Variants in CNTNAP2 observed in about 807,000 individuals in gnomAD.
The protein encoded by CNTNAP2 is contactin associated protein 2, also known as contactin-associated protein-like 2.
CNTNAP2 carries 98 observed loss-of-function variants against 155.2 expected under a neutral mutation model. That is an observed-to-expected ratio of 0.63 (90% confidence interval 0.54 to 0.75). CNTNAP2 has a LOEUF of 0.75. CNTNAP2 is among the 30% of genes least tolerant of loss of function. CNTNAP2 has a pLI of 0.00. For synonymous variants in CNTNAP2, 651 were observed against 631.2 expected (o/e 1.03, Z -0.47); for missense variants, 1,727 against 1,688.1 (o/e 1.02, Z -0.40).
At chr7:147,484,987 GT>G (rs1315080115) in intron 10 of CNTNAP2, among the ~76,000 whole-genome samples, 4 of 152,264 alleles carry the variant, frequency 2.6e-5, no homozygotes, top group African/African-American at 9.6e-5. Flanking sequence ...CAAAAATCAG[GT>G]TGTGGGGTAG....
intron 8 of CNTNAP2, among the ~76,000 whole-genome samples, 182 bp downstream of exon 8, chr7:147,132,691 A>G (rs1038662996): frequency 6.6e-6 from 1 of 152,156 alleles, no homozygotes; most frequent in Non-Finnish European, 1.5e-5. Context: ...AAAGTTGTTG[A>G]GAGAGCAAGG....
At chr7:148,329,016 A>G (rs1797941868) in intron 21 of CNTNAP2, among the ~76,000 whole-genome samples, 1 of 138,372 alleles carries the variant, frequency 7.2e-6, no homozygotes, top group Admixed American at 7.4e-5. Flanking sequence ...AAACCATCCC[A>G]GGGAATTCAG....
At chr7:148,095,849 C>A (rs977803579) in intron 15 of CNTNAP2, among the ~76,000 whole-genome samples, 1 of 152,196 alleles carries the variant, frequency 6.6e-6, no homozygotes. Flanking sequence ...ATGTTCTCCC[C>A]TCCTGCCCAG....
intron 15 of CNTNAP2, among the ~76,000 whole-genome samples, chr7:148,047,068 T>C (rs1802788333): frequency 6.6e-6 from 1 of 152,202 alleles, no homozygotes; most frequent in Admixed American, 6.5e-5. Flanking sequence ...AACTCCTACC[T>C]TTCTCGAAAC....
intron 21 of CNTNAP2, among the ~76,000 whole-genome samples, chr7:148,332,161 C>T (rs1534706): frequency 1.4e-5 from 2 of 140,346 alleles, no homozygotes; most frequent in African/African-American, 5.4e-5. Flanking sequence ...ACAAACTGAG[C>T]GGACAAAAAA....
At chr7:147,721,465 G>T (rs1414867157) in intron 13 of CNTNAP2, among the ~76,000 whole-genome samples, 2 of 152,040 alleles carry the variant, frequency 1.3e-5, no homozygotes, top group Non-Finnish European at 2.9e-5. Context: ...GGTGGCATTT[G>T]TGGTGTATGC....
At chr7:147,590,045 A>G (rs139079123) in intron 12 of CNTNAP2, among the ~76,000 whole-genome samples, 220 of 152,330 alleles carry the variant, frequency 1.4e-3, no homozygotes, top group African/African-American at 4.9e-3. Flanking sequence ...AAGTAGCCAC[A>G]GGTAACACAT....
At chr7:147,388,717 A>T (rs193146533) in intron 9 of CNTNAP2, among the ~76,000 whole-genome samples, 4 of 152,184 alleles carry the variant, frequency 2.6e-5, no homozygotes, top group Non-Finnish European at 5.9e-5. Flanking sequence ...AGTAGCTGGG[A>T]TTACAGGTGC....
intron 21 of CNTNAP2, among the ~76,000 whole-genome samples, chr7:148,341,651 T>C (rs1465652176): frequency 6.6e-6 from 1 of 152,212 alleles, no homozygotes; most frequent in Non-Finnish European, 1.5e-5. Flanking sequence ...GGTCTTTCTA[T>C]ACTACCTTAG....
chr7:147,638,167 G>T (rs1488898194), intron 12 of CNTNAP2, among the ~76,000 whole-genome samples: 1 of 152,104 alleles, frequency 6.6e-6, no homozygotes, highest in East Asian at 1.9e-4. Flanking sequence ...TTGGCCCTGG[G>T]TGTTTTTGAA....
chr7:147,160,414 G>C (rs1293127895), intron 8 of CNTNAP2, among the ~76,000 whole-genome samples: 1 of 152,068 alleles, frequency 6.6e-6, no homozygotes, highest in African/African-American at 2.4e-5. Context: ...AATTGCAGAA[G>C]TTTTATCCAG....
At chr7:146,990,115 T>G (rs1236969552) in intron 3 of CNTNAP2, among the ~76,000 whole-genome samples, 1 of 152,160 alleles carries the variant, frequency 6.6e-6, no homozygotes, top group Non-Finnish European at 1.5e-5. Flanking sequence ...CAAGAGGACA[T>G]AGTTACACAG....
intron 1 of CNTNAP2, among the ~76,000 whole-genome samples, chr7:146,662,107 T>C (rs759447361): frequency 6.6e-6 from 1 of 152,166 alleles, no homozygotes; most frequent in South Asian, 2.1e-4. Context: ...TCCTTATCTT[T>C]TCTTTGGGGA....
intron 8 of CNTNAP2, among the ~76,000 whole-genome samples, chr7:147,278,827 T>G (rs987314919): frequency 2.0e-5 from 3 of 151,444 alleles, no homozygotes; most frequent in African/African-American, 7.2e-5. Context: ...AAAACTTGCA[T>G]AATTATTTTT....
intron 15 of CNTNAP2, among the ~76,000 whole-genome samples, chr7:148,001,799 T>C (rs908767697): frequency 1.3e-5 from 2 of 152,188 alleles, no homozygotes; most frequent in Non-Finnish European, 2.9e-5. Context: ...GTTACAAAAA[T>C]ATTTCTGTAA....
chr7:146,226,323 G>C (rs1404066347), intron 1 of CNTNAP2, among the ~76,000 whole-genome samples: 1 of 151,992 alleles, frequency 6.6e-6, no homozygotes, highest in Non-Finnish European at 1.5e-5. Flanking sequence ...AAAGTTAGAG[G>C]GTAGATGATG....
intron 8 of CNTNAP2, among the ~76,000 whole-genome samples, chr7:147,189,974 G>C (rs1355898806): frequency 6.6e-6 from 1 of 152,106 alleles, no homozygotes; most frequent in Non-Finnish European, 1.5e-5. Flanking sequence ...TCCATCTCTT[G>C]ACCTCGTGAT....
chr7:146,605,161 C>A (rs543290501), intron 1 of CNTNAP2, among the ~76,000 whole-genome samples: 1 of 149,314 alleles, frequency 6.7e-6, no homozygotes, highest in Admixed American at 6.7e-5. Flanking sequence ...TATTTTATAT[C>A]CTTTCTAAAC....
At chr7:146,459,736 G>A (rs1027481291) in intron 1 of CNTNAP2, among the ~76,000 whole-genome samples, 3 of 151,988 alleles carry the variant, frequency 2.0e-5, no homozygotes, top group African/African-American at 7.2e-5. Flanking sequence ...TTTGGGAGGC[G>A]GAGGCAGATG....
Sources: allele counts gnomAD v4.1 joint callset (sites outside exome capture counted in the v4.1 genomes callset), GRCh38; gene constraint gnomAD v4.1.1; transcripts MANE v1.5; gene names NCBI Gene and HGNC (gene_info 2026-07-23, HGNC 2026-07-21).